The following GPR158 variants were observed in gnomAD, a reference collection of about 807,000 sequenced individuals.
GPR158 encodes the protein G protein-coupled receptor 158, also known as metabotropic glycine receptor.
In GPR158, 30 loss-of-function variants were observed where a neutral mutation model predicts 78.2. That is an observed-to-expected ratio of 0.38 (90% CI 0.29 to 0.52). The LOEUF (loss-of-function observed/expected upper bound fraction) is 0.52, where lower values mean the gene tolerates loss of function less well. GPR158 is among the 20% of genes least tolerant of loss of function. The probability of loss-of-function intolerance (pLI) is 0.83; values close to 1 mark genes in which losing one functional copy is unlikely to be tolerated. For synonymous variants in GPR158, 581 were observed against 591.1 expected (o/e 0.98, Z 0.25); for missense variants, 1,463 against 1,523.5 (o/e 0.96, Z 0.66).
intron 2 of GPR158, among the ~76,000 whole-genome samples, chr10:25,369,144 T>C (rs1297771830): frequency 6.6e-6 from 1 of 151,694 alleles, no homozygotes; most frequent in Non-Finnish European, 1.5e-5. Context: ...CTTTTCCTAA[T>C]TGAATACCCT....
At chr10:25,249,087 G>A (rs11014469) in intron 2 of GPR158, among the ~76,000 whole-genome samples, 5,927 of 151,832 alleles carry the variant, frequency 0.039, 310 homozygotes, top group East Asian at 0.25. Context: ...ATTGTGAATG[G>A]GAGTTCACTC....
chr10:25,221,204 T>G (rs766115886), intron 2 of GPR158, 47 bp downstream of exon 2: 4 of 954,934 alleles, frequency 4.2e-6, no homozygotes, highest in Non-Finnish European at 6.7e-6. Flanking sequence ...GAATACATTA[T>G]TTTGAATATG....
At position 25,497,861 on chromosome 10, in the gene GPR158, C is replaced by T. The variant is rs552133860; in HGVS notation, c.1404+31142C>T. Among the ~76,000 whole-genome samples, 12 of 152,136 alleles carry T rather than the reference C, an allele frequency of 7.9e-5. No homozygotes were observed. In the East Asian group the frequency reaches 2.1e-3, roughly 27 times the overall value. ...AGTATTATGGAGACCTTTTTATTTC[C>T]TCTTAAATATGTCATCAAGACACAT... On this transcript the variant is annotated intron_variant, in intron 5 of 10. Coordinates refer to ENST00000376351, the MANE Select transcript of GPR158 (RefSeq NM_020752.3).
At chr10:25,203,396 T>G (rs1448088777) in intron 1 of GPR158, among the ~76,000 whole-genome samples, 2 of 152,204 alleles carry the variant, frequency 1.3e-5, no homozygotes, top group Admixed American at 6.5e-5. Context: ...GGTCTAACAT[T>G]TAAGTCTTTA....
chr10:25,433,576 C>CGCGCGCGT (rs1554803636), intron 4 of GPR158, among the ~76,000 whole-genome samples: 4 of 116,054 alleles, frequency 3.4e-5, no homozygotes, highest in African/African-American at 1.0e-4. Flanking sequence ...TGTGTGCGCG[C>CGCGCGCGT]GCGCGTGCGC....
intron 4 of GPR158, among the ~76,000 whole-genome samples, chr10:25,452,049 G>GT (rs1835227040): frequency 6.6e-6 from 1 of 151,004 alleles, no homozygotes; most frequent in African/African-American, 2.4e-5. Flanking sequence ...TTTTGTTTTT[G>GT]TTTTTTGAGA....
At chr10:25,484,924 T>C (rs908941059) in intron 5 of GPR158, among the ~76,000 whole-genome samples, 3 of 152,196 alleles carry the variant, frequency 2.0e-5, no homozygotes, top group Admixed American at 6.6e-5. Flanking sequence ...ATGTATTATA[T>C]GTAAATGCAA....
In GPR158 at chr10:25,584,170, C is replaced by T. The variant is rs192310698; in HGVS notation, c.1754-4837C>T. Among the ~76,000 whole-genome samples the T allele has an allele frequency of 5.3e-4, 81 of 152,248 alleles. 2 individuals are homozygous for T. The highest frequency in any genetic ancestry group is 3.5e-3 in the Admixed American group (53 of 15,298). The stretch of plus-strand genomic sequence containing the variant: ...AGTCCTTTTTGTAACTATACTCATG[C>T]CTTTCATCAAAATTATTTAACACCA... On this transcript the variant is annotated intron_variant, in intron 7 of 10. Transcript: ENST00000376351.
chr10:25,330,411 C>T (rs1855101916), intron 2 of GPR158, among the ~76,000 whole-genome samples: 1 of 152,064 alleles, frequency 6.6e-6, no homozygotes, highest in African/African-American at 2.4e-5. Flanking sequence ...TTTGGCGAGG[C>T]ATTTGAGTAC....
At chr10:25,324,096 A>G (rs1854994304) in intron 2 of GPR158, among the ~76,000 whole-genome samples, 1 of 152,062 alleles carries the variant, frequency 6.6e-6, no homozygotes, top group Non-Finnish European at 1.5e-5. Context: ...TATCAGTGAT[A>G]AGATTGTTTT....
chr10:25,570,862 G>A (rs1836996538), intron 6 of GPR158, among the ~76,000 whole-genome samples: 2 of 152,158 alleles, frequency 1.3e-5, no homozygotes, highest in Non-Finnish European at 1.5e-5. Context: ...GGAGGTTGCA[G>A]TTAGCTGAGA....
intron 4 of GPR158, among the ~76,000 whole-genome samples, chr10:25,448,952 C>G (rs949238383): frequency 1.3e-5 from 2 of 152,018 alleles, no homozygotes; most frequent in African/African-American, 4.8e-5. Flanking sequence ...ACCTACAATT[C>G]TGAATTTTGG....
chr10:25,573,849 A>G (rs1448237527), intron 7 of GPR158, among the ~76,000 whole-genome samples: 2 of 152,118 alleles, frequency 1.3e-5, no homozygotes, highest in Non-Finnish European at 2.9e-5. Context: ...ATATTTCAGG[A>G]GTCTTATAAA....
intron 7 of GPR158, among the ~76,000 whole-genome samples, chr10:25,587,927 TC>T (rs1837292066): frequency 6.6e-6 from 1 of 152,166 alleles, no homozygotes; most frequent in Non-Finnish European, 1.5e-5. Context: ...ACAAGAAAGT[TC>T]CATCTAGATA....
At chr10:25,473,305 C>T (rs1332772208) in intron 5 of GPR158, among the ~76,000 whole-genome samples, 1 of 152,032 alleles carries the variant, frequency 6.6e-6, no homozygotes, top group Non-Finnish European at 1.5e-5. Flanking sequence ...GGGATGAAGC[C>T]CACTTGATCA....
chr10:25,212,944 C>G (rs1249840907), intron 1 of GPR158, among the ~76,000 whole-genome samples: 1 of 152,054 alleles, frequency 6.6e-6, no homozygotes, highest in East Asian at 1.9e-4. Context: ...GGTTTTGTTA[C>G]TATTTTAAAT....
intron 2 of GPR158, among the ~76,000 whole-genome samples, chr10:25,360,705 C>T (rs1373574372): frequency 6.6e-6 from 1 of 152,040 alleles, no homozygotes; most frequent in Admixed American, 6.6e-5. Context: ...ATGCTTCCAG[C>T]TTTGTTCTTT....
At chr10:25,461,822 C>T (rs1835361713) in intron 4 of GPR158, among the ~76,000 whole-genome samples, 1 of 150,546 alleles carries the variant, frequency 6.6e-6, no homozygotes, top group African/African-American at 2.5e-5. Flanking sequence ...ACCTCCATCT[C>T]CCGGGTTCAC....
intron 2 of GPR158, among the ~76,000 whole-genome samples, chr10:25,278,972 AGTAT>A (rs1854226304): frequency 6.6e-6 from 1 of 152,200 alleles, no homozygotes; most frequent in African/African-American, 2.4e-5. Flanking sequence ...CAAAGAAAAT[AGTAT>A]GTATGTGTGA....
Sources: gnomAD v4.1 joint callset for allele counts (sites outside exome capture counted in the v4.1 genomes callset) on GRCh38, gnomAD v4.1.1 for gene constraint, MANE v1.5 for transcripts, NCBI Gene and HGNC (gene_info 2026-07-23, HGNC 2026-07-21) for gene names.